The following HYLS1 variants were observed in gnomAD, a reference collection of about 807,000 sequenced individuals.
HYLS1 encodes the protein centriolar and ciliogenesis-associated protein HYLS1.
Under a neutral mutation model 29.4 loss-of-function variants are expected in HYLS1, and 25 were observed. The observed-to-expected ratio is 0.85, with a 90% CI of 0.62 to 1.19. The LOEUF is 1.19. Ranked by LOEUF, HYLS1 falls within the 50% of genes most tolerant of loss-of-function variation. The pLI is 0.00. For missense variants in HYLS1, 352 were observed against 365.1 expected, an observed-to-expected ratio of 0.96 and a Z score of 0.29; for synonymous variants, 128 against 126.7, an observed-to-expected ratio of 1.01 and a Z score of -0.07.
At chr11:125,899,238 A>G in intron 2 of HYLS1, 106 bp from the exon 3 acceptor site, 1 of 750,862 alleles carries the variant, frequency 1.3e-6, no homozygotes, top group Non-Finnish European at 2.2e-6. Flanking sequence ...TGATGGCCTT[A>G]GCCATTCTTT....
At position 125,899,598 on chromosome 11, in the gene HYLS1, T is replaced by A; in HGVS notation, c.230T>A (p.Val77Asp). Reference protein sequence around the residue: ...QLQYPHVESNVPSETVSEASQ... With the variant: ...QLQYPHVESNDPSETVSEASQ... ...CAGTACCCACATGTAGAAAGTAATG[T>A]CCCTTCAGAAACAGTCTCTGAGGCC... The change falls in exon 3 of 3, where the codon GTC (valine) becomes GAC (aspartate). Residue 77 changes from valine (V) to aspartate (D), a missense_variant. Transcript: ENST00000425380. The A allele has an allele frequency of 6.2e-7, 1 of 1,614,124 alleles. No homozygotes were observed. Among genetic ancestry groups the A allele is most frequent in the Non-Finnish European group, 8.5e-7 (1 of 1,180,016 alleles).
intron 1 of HYLS1, among the ~76,000 whole-genome samples, chr11:125,888,739 A>G (rs1944354208): frequency 6.8e-6 from 1 of 146,678 alleles, no homozygotes. Flanking sequence ...ACTGCACTCC[A>G]GCCTGGGCGA....
In HYLS1 at chr11:125,897,924, T is replaced by A. The variant is rs140492972; in HGVS notation, c.-25-1420T>A. 7.5e-3 allele frequency among the ~76,000 whole-genome samples: 1,150 copies of A among 152,340 alleles called. 17 individuals are homozygous for A. The highest frequency in any genetic ancestry group is 0.025 in the African/African-American group (1,027 of 41,568). On this transcript the variant is annotated intron_variant, in intron 2 of 2. Coordinates refer to ENST00000425380, the MANE Select transcript of HYLS1 (RefSeq NM_001134793.2). ...ATACTCGTGTTAGCATCAGTAAACC[T>A]ATAAACCTAAATTACACCAGTAAGG...
chr11:125,888,648 AG>A (rs1235012139), intron 1 of HYLS1, among the ~76,000 whole-genome samples: 1 of 151,986 alleles, frequency 6.6e-6, no homozygotes, highest in Non-Finnish European at 1.5e-5. Flanking sequence ...GGGCGCCTGT[AG>A]TCCCAGCTCC....
chr11:125,890,700 G>A (rs771708535), intron 1 of HYLS1, among the ~76,000 whole-genome samples: 18 of 152,196 alleles, frequency 1.2e-4, no homozygotes, highest in Non-Finnish European at 2.2e-4. Context: ...CAGAATACAA[G>A]TTGCTCTAGC....
At chr11:125,895,771 G>A (rs781782331) in intron 2 of HYLS1, 20 of 1,602,284 alleles carry the variant, frequency 1.2e-5, no homozygotes, top group South Asian at 2.2e-5. Flanking sequence ...AACTGAGAGC[G>A]AAGGTCAAGT....
chr11:125,895,127 A>G (rs1944538874), intron 2 of HYLS1: 1 of 942,626 alleles, frequency 1.1e-6, no homozygotes, highest in Non-Finnish European at 1.6e-6. Flanking sequence ...GCTCAGTGCA[A>G]CCTCCGCCTC....
At chr11:125,897,469 G>A (rs753492142) in intron 2 of HYLS1, among the ~76,000 whole-genome samples, 11 of 150,692 alleles carry the variant, frequency 7.3e-5, no homozygotes, top group Non-Finnish European at 1.5e-4. Flanking sequence ...GGTAAAGTGC[G>A]ACCTTCCTCA....
intron 2 of HYLS1, chr11:125,893,879 C>G: frequency 6.2e-7 from 1 of 1,614,094 alleles, no homozygotes; most frequent in Non-Finnish European, 8.5e-7. Flanking sequence ...ATTACAGTCC[C>G]TTTTGGCTTT....
chr11:125,893,741 A>G (rs762725134), intron 2 of HYLS1: 12 of 1,428,392 alleles, frequency 8.4e-6, no homozygotes, highest in Admixed American at 2.6e-5. Flanking sequence ...TTTTCTGTCC[A>G]CCTACCATTA....
Position 125,891,434 on chromosome 11 carries a change from A to G in HYLS1, c.-64A>G, listed in dbSNP as rs372326303. 2.7e-5 allele frequency: 2 copies of G among 73,112 alleles called. No homozygotes were observed. The highest frequency in any genetic ancestry group is 5.9e-5 in the Non-Finnish European group (2 of 33,624). The allele number at this position is 73,112 out of a possible 1,614,324, so 4.5% of individuals were successfully genotyped here. ...TTCTTCTTTTCTAGGTTTTTTTTTT[A>G]CTTGAATGTAAATACCAATCAAGAT... is the stretch of plus-strand genomic sequence containing the variant. On this transcript the variant is annotated 5_prime_UTR_variant, in exon 2 of 3. Transcript: ENST00000425380.
At chr11:125,889,058 C>T (rs967343220) in intron 1 of HYLS1, among the ~76,000 whole-genome samples, 72 of 151,938 alleles carry the variant, frequency 4.7e-4, no homozygotes, top group African/African-American at 1.5e-3. Context: ...ATGTGATTTC[C>T]TTATAAAATG....
At chr11:125,886,434 G>C (rs996572994), upstream of HYLS1, among the ~76,000 whole-genome samples, 2 of 152,116 alleles carry the variant, frequency 1.3e-5, no homozygotes, top group African/African-American at 4.8e-5. Context: ...GCACCTATTT[G>C]TTTAAGGTGG....
Position 125,900,423 on chromosome 11 carries a change from G to T in HYLS1, c.*155G>T. 1 of 676,792 alleles carries T rather than the reference G, an allele frequency of 1.5e-6. No homozygotes were observed. Among genetic ancestry groups the T allele is most frequent in the Non-Finnish European group, 2.6e-6 (1 of 391,302 alleles). 41.9% of individuals were successfully genotyped at this position (676,792 alleles called of 1,614,324 possible). ...GTCTTTCCTAGCTATATATCACATT[G>T]GTATCAGATGATACTTCCAAATTGC... is the stretch of plus-strand genomic sequence containing the variant. On this transcript the variant is annotated 3_prime_UTR_variant, in exon 3 of 3. Coordinates refer to ENST00000425380, the MANE Select transcript of HYLS1 (RefSeq NM_001134793.2).
intron 2 of HYLS1, among the ~76,000 whole-genome samples, chr11:125,897,522 T>TA (rs367854387): frequency 0.045 from 6,687 of 147,248 alleles, 240 homozygotes; most frequent in East Asian, 0.11. Flanking sequence ...AATGAAAAAG[T>TA]AAAAAAAAAA....
intron 2 of HYLS1, chr11:125,896,350 A>G: frequency 7.0e-7 from 1 of 1,436,496 alleles, no homozygotes; most frequent in Non-Finnish European, 9.5e-7. Context: ...GAGCAAAGGG[A>G]TACAACAGTT....
intron 2 of HYLS1, among the ~76,000 whole-genome samples, chr11:125,894,526 A>C (rs1475196580): frequency 6.6e-6 from 1 of 152,228 alleles, no homozygotes; most frequent in Non-Finnish European, 1.5e-5. Flanking sequence ...CAGTGCTAAC[A>C]AGACATGGCT....
chr11:125,899,908 A>G lies in HYLS1; in HGVS notation c.540A>G (p.Pro180=), dbSNP rs563140976. ...TACAAAGAGAAGGAATGGGCTCTCC[A>G]GCTTACGAACAAGACCTGATTGTTG... The part of the protein sequence containing the change: ...CSLQREGMGS[P]AYEQDLIVAS... The change falls in exon 3 of 3, where the codon CCA becomes CCG. Residue 180 remains proline, a synonymous_variant. Coordinates refer to ENST00000425380, the MANE Select transcript of HYLS1 (RefSeq NM_001134793.2). 9 of 1,614,218 alleles carry G rather than the reference A, an allele frequency of 5.6e-6. No individual in the cohort carries two copies. The highest frequency in any genetic ancestry group is 1.1e-5 in the South Asian group (1 of 91,080).
rs746860477 is a variant in HYLS1, at chr11:125,896,066, G to A, written c.-25-3278G>A. 4 of 1,614,166 alleles carry A rather than the reference G, an allele frequency of 2.5e-6. No homozygotes were observed. In the South Asian group the frequency reaches 3.3e-5, roughly 13 times the overall value. ...GACTAGCAAAGCCCTGGTATCCCCA[G>A]CCCATATAGGCTATTCTTAGGGCTA... On this transcript the variant is annotated intron_variant, in intron 2 of 2. Transcript: ENST00000425380.
Sources: allele counts gnomAD v4.1 joint callset (sites outside exome capture counted in the v4.1 genomes callset), GRCh38; gene constraint gnomAD v4.1.1; transcripts MANE v1.5; gene names NCBI Gene and HGNC (gene_info 2026-07-23, HGNC 2026-07-21).